Variants in IMMP2L observed in about 807,000 individuals in gnomAD.
IMMP2L encodes inner mitochondrial membrane peptidase subunit 2.
IMMP2L carries 18 observed loss-of-function variants against 19.3 expected under a neutral mutation model. That is an observed-to-expected ratio of 0.93 (90% CI 0.64 to 1.38). The LOEUF (loss-of-function observed/expected upper bound fraction) is 1.38. Among genes scored for constraint, IMMP2L ranks in the 40% most tolerant of loss-of-function variants. The pLI, the probability that IMMP2L is intolerant of heterozygous loss-of-function variation, is 0.00. For missense variants in IMMP2L, 233 were observed against 218.2 expected, an observed-to-expected ratio of 1.07 and a Z score of -0.43; for synonymous variants, 76 against 73.0, an observed-to-expected ratio of 1.04 and a Z score of -0.21.
chr7:110,933,066 C>T (rs115853161), intron 4 of IMMP2L, among the ~76,000 whole-genome samples: 58 of 152,278 alleles, frequency 3.8e-4, no homozygotes, highest in African/African-American at 1.2e-3. Flanking sequence ...CATGTGGAAA[C>T]GACAGCTATA....
At chr7:111,332,300 G>A (rs952496722) in intron 3 of IMMP2L, among the ~76,000 whole-genome samples, 3 of 151,682 alleles carry the variant, frequency 2.0e-5, no homozygotes, top group African/African-American at 4.8e-5. Context: ...ATAATATAGC[G>A]TGCATAATAT....
intron 3 of IMMP2L, among the ~76,000 whole-genome samples, chr7:111,178,888 G>A (rs1807380962): frequency 6.6e-6 from 1 of 151,862 alleles, no homozygotes; most frequent in Admixed American, 6.6e-5. Context: ...CCAAATTCCT[G>A]TTCATGTTGA....
chr7:111,423,027 T>A (rs1409869831), intron 3 of IMMP2L, among the ~76,000 whole-genome samples: 1 of 151,860 alleles, frequency 6.6e-6, no homozygotes, highest in African/African-American at 2.4e-5. Context: ...CGTTTATTGA[T>A]TTGCATATAT....
At chr7:110,672,958 T>C (rs1477690225) in intron 5 of IMMP2L, among the ~76,000 whole-genome samples, 3 of 152,188 alleles carry the variant, frequency 2.0e-5, no homozygotes, top group African/African-American at 7.2e-5. Flanking sequence ...TGGAGGATGG[T>C]GGCCCTCTTC....
intron 4 of IMMP2L, among the ~76,000 whole-genome samples, chr7:110,950,026 G>T (rs890489556): frequency 6.6e-6 from 1 of 152,152 alleles, no homozygotes; most frequent in African/African-American, 2.4e-5. Flanking sequence ...CAGGCTGCAT[G>T]AAATCATTGC....
intron 3 of IMMP2L, among the ~76,000 whole-genome samples, chr7:110,975,706 G>T (rs1421348669): frequency 3.3e-5 from 5 of 152,082 alleles, no homozygotes; most frequent in African/African-American, 1.2e-4. Flanking sequence ...CTGAATGGTG[G>T]CTTTGGTGCT....
intron 1 of IMMP2L, among the ~76,000 whole-genome samples, chr7:111,543,378 T>C (rs1037867864): frequency 4.6e-5 from 7 of 152,110 alleles, no homozygotes; most frequent in Non-Finnish European, 2.9e-5. Context: ...GGACTGCTAG[T>C]ATAACAAACC....
At chr7:110,763,714 TA>T (rs1798487233) in intron 5 of IMMP2L, among the ~76,000 whole-genome samples, 1 of 152,088 alleles carries the variant, frequency 6.6e-6, no homozygotes, top group Non-Finnish European at 1.5e-5. Context: ...AGCAGGGCAA[TA>T]GTAAATTAGG....
At chr7:111,525,085 T>C (rs752920697) in intron 1 of IMMP2L, among the ~76,000 whole-genome samples, 1 of 152,038 alleles carries the variant, frequency 6.6e-6, no homozygotes, top group Non-Finnish European at 1.5e-5. Context: ...AATCTGAAAA[T>C]CACATAAACA....
chr7:111,404,103 T>C (rs548623936), intron 3 of IMMP2L, among the ~76,000 whole-genome samples: 2 of 152,272 alleles, frequency 1.3e-5, no homozygotes, highest in African/African-American at 4.8e-5. Flanking sequence ...CTTTATCTAC[T>C]TGGCTAGAAA....
intron 3 of IMMP2L, among the ~76,000 whole-genome samples, chr7:110,972,705 C>G (rs1820274366): frequency 1.3e-5 from 2 of 152,056 alleles, no homozygotes; most frequent in African/African-American, 4.8e-5. Flanking sequence ...AGTTATCTCA[C>G]TAGGGTAAAC....
At chr7:110,791,160 T>G (rs903237189) in intron 5 of IMMP2L, among the ~76,000 whole-genome samples, 1 of 151,744 alleles carries the variant, frequency 6.6e-6, no homozygotes, top group Non-Finnish European at 1.5e-5. Context: ...AGTACTTGCA[T>G]GCCTTTCTCC....
Position 110,877,055 on chromosome 7 carries a change from A to G in IMMP2L, c.408+9538T>C, listed in dbSNP as rs913343891. On this transcript the variant is annotated intron_variant, in intron 5 of 5. Coordinates refer to ENST00000405709, the MANE Select transcript of IMMP2L (RefSeq NM_032549.4). This position sits in a 1 kb window ranked among gnomAD's most constrained non-coding sequence, Gnocchi z 4.0. ...TTGTGGGATATAAGTCTCTCTTGCA[A>G]GTACTTAACTCAGCCGTTACAGAGG... Among the ~76,000 whole-genome samples, 12 of 152,202 alleles carry G rather than the reference A, an allele frequency of 7.9e-5. No individual in the cohort carries two copies. The highest frequency in any genetic ancestry group is 6.6e-4 in the Admixed American group (10 of 15,266).
intron 3 of IMMP2L, among the ~76,000 whole-genome samples, chr7:111,355,977 C>A (rs1828661045): frequency 6.6e-6 from 1 of 151,930 alleles, no homozygotes; most frequent in Non-Finnish European, 1.5e-5. Context: ...GAAAAACAAA[C>A]TCCAAAGGGC....
In IMMP2L at chr7:110,962,716, A is replaced by G. The variant is rs139034138; in HGVS notation, c.305+784T>C. 218 of 1,013,530 alleles carry G rather than the reference A, an allele frequency of 2.2e-4. No individual in the cohort carries two copies. The African/African-American group carries it at 3.5e-3, about 16-fold the overall frequency. The allele number at this position is 1,013,530 out of a possible 1,614,324, so 62.8% of individuals were successfully genotyped here. A position where few individuals can be genotyped will look rare whatever the true frequency, so the allele number is the denominator to read the frequency against. The stretch of plus-strand genomic sequence containing the variant: ...TAGCCTAGAATCTGCTCTAAAACTG[A>G]CTGAGGTTCATTTCAGTGAGATTAG... On this transcript the variant is annotated intron_variant, in intron 4 of 5. Transcript: ENST00000405709.
chr7:110,672,211 G>T (rs900590594), intron 5 of IMMP2L, among the ~76,000 whole-genome samples: 2 of 151,954 alleles, frequency 1.3e-5, no homozygotes, highest in African/African-American at 2.4e-5. Context: ...TCACATGGTG[G>T]CAGCAAGCAG....
chr7:111,016,832 G>GTATATATTATATATAATATATAC (rs1563163178), intron 3 of IMMP2L, among the ~76,000 whole-genome samples: 47 of 48,174 alleles, frequency 9.8e-4, no homozygotes, highest in Admixed American at 3.6e-3. Context: ...ATAATATATA[G>GTATATATTATATATAATATATAC]TATATATTAT....
chr7:111,522,938 T>TATATATATATATATATATATATATATA (rs199823915), intron 1 of IMMP2L, among the ~76,000 whole-genome samples: 22 of 148,810 alleles, frequency 1.5e-4, no homozygotes, highest in African/African-American at 5.1e-4. Flanking sequence ...TATATATATA[T>TATATATATATATATATATATATATATA]TATTTCACCA....
chr7:110,723,530 T>TG (rs869045737), intron 5 of IMMP2L, among the ~76,000 whole-genome samples: 1 of 66 alleles, frequency 0.015, no homozygotes, highest in Non-Finnish European at 0.038. Context: ...TTAGGCTTGA[T>TG]TTTTTTAATC....
Sources: gnomAD v4.1 joint callset for allele counts (sites outside exome capture counted in the v4.1 genomes callset) on GRCh38, gnomAD v4.1.1 for gene constraint, Gnocchi (gnomAD v3.1) non-coding constraint, MANE v1.5 for transcripts, NCBI Gene and HGNC (gene_info 2026-07-23, HGNC 2026-07-21) for gene names.